Variants in SNX4 observed in about 807,000 individuals in gnomAD.
SNX4 encodes sorting nexin 4.
A neutral mutation model predicts 70.8 loss-of-function variants in SNX4; 49 were observed. The ratio of observed to expected loss-of-function variants is 0.69; its 90% CI spans 0.55 to 0.88. The LOEUF (loss-of-function observed/expected upper bound fraction) is 0.88, where lower values mean the gene tolerates loss of function less well. SNX4 is among the 40% of genes least tolerant of loss of function. The probability of loss-of-function intolerance (pLI) is 0.00; values close to 1 mark genes in which losing one functional copy is unlikely to be tolerated. For missense variants in SNX4, 528 were observed against 544.8 expected, an observed-to-expected ratio of 0.97 and a Z score of 0.31; for synonymous variants, 206 against 183.8, an observed-to-expected ratio of 1.12 and a Z score of -0.98.
intron 8 of SNX4, among the ~76,000 whole-genome samples, chr3:125,470,207 C>T (rs185578151): frequency 2.0e-5 from 3 of 152,108 alleles, no homozygotes; most frequent in Non-Finnish European, 4.4e-5. Flanking sequence ...GTCTTATTTG[C>T]GTAATTTAAA....
rs1934831895 is a variant in SNX4, at chr3:125,497,850, TAGA to T, written c.530_532del (p.Phe177del). 1.2e-6 allele frequency: 2 copies of T among 1,605,474 alleles called. No individual in the cohort carries two copies. The highest frequency in any genetic ancestry group is 1.1e-5 in the South Asian group (1 of 88,850). ...GAAAAATACCTGTGTTAAAAACAGA[TAGA>T]AGATTTTGTCTCTACAAAGGATGGG... On this transcript the variant is annotated inframe_deletion, in exon 4 of 14. Transcript: ENST00000251775.
chr3:125,467,458 A>G (rs1381992205), intron 9 of SNX4, among the ~76,000 whole-genome samples: 6 of 152,190 alleles, frequency 3.9e-5, no homozygotes, highest in Non-Finnish European at 8.8e-5. Flanking sequence ...ATACTTCTCA[A>G]CAGAAGACAT....
chr3:125,471,367 A>AAAAAAAAAAAAAAAAAAAAT, intron 8 of SNX4, among the ~76,000 whole-genome samples: 1 of 147,106 alleles, frequency 6.8e-6, no homozygotes, highest in Non-Finnish European at 1.5e-5. Context: ...AAAAAAAAAA[A>AAAAAAAAAAAAAAAAAAAAT]AAAAGCTTTT....
chr3:125,507,303 A>G (rs1316516983), intron 1 of SNX4, among the ~76,000 whole-genome samples: 1 of 152,098 alleles, frequency 6.6e-6, no homozygotes, highest in Non-Finnish European at 1.5e-5. Flanking sequence ...AGCAAGCACA[A>G]GAGAGAACTG....
At chr3:125,483,615 T>C (rs989633682) in intron 6 of SNX4, among the ~76,000 whole-genome samples, 1 of 152,202 alleles carries the variant, frequency 6.6e-6, no homozygotes, top group African/African-American at 2.4e-5. Flanking sequence ...ATTAACACAT[T>C]GGTACAATCT....
At chr3:125,472,465 T>C (rs1016097733) in intron 8 of SNX4, among the ~76,000 whole-genome samples, 1 of 151,478 alleles carries the variant, frequency 6.6e-6, no homozygotes, top group Non-Finnish European at 1.5e-5. Flanking sequence ...AGCCATATAA[T>C]AGACATGGCA....
At position 125,489,394 on chromosome 3, in the gene SNX4, A is replaced by G. The variant is rs560890746; in HGVS notation, c.653+14T>C. The G allele has an allele frequency of 2.5e-6, 4 of 1,606,398 alleles. No homozygotes were observed. In the East Asian group the frequency reaches 8.9e-5, roughly 36 times the overall value. The stretch of plus-strand genomic sequence containing the variant: ...CAAAACAACATTGTAACTGTTATTA[A>G]AACAAAACCTTACTTGTCTGGGTTT... On this transcript the variant is annotated intron_variant, in intron 6 of 13. Transcript: ENST00000251775.
At chr3:125,458,700 G>GCTA (rs1436816233) in intron 10 of SNX4, among the ~76,000 whole-genome samples, 1 of 151,214 alleles carries the variant, frequency 6.6e-6, no homozygotes, top group Non-Finnish European at 1.5e-5. Context: ...TGTACTCCCA[G>GCTA]CTACGCGGGA....
intron 2 of SNX4, among the ~76,000 whole-genome samples, chr3:125,499,713 C>G (rs1048635163): frequency 1.3e-5 from 2 of 150,830 alleles, no homozygotes; most frequent in African/African-American, 4.9e-5. Context: ...ATAAATAAAG[C>G]CTATAAGCAG....
intron 13 of SNX4, among the ~76,000 whole-genome samples, 186 bp from the exon 14 acceptor site, chr3:125,448,012 C>A (rs970709627): frequency 2.0e-5 from 3 of 152,150 alleles, no homozygotes; most frequent in African/African-American, 7.2e-5. Flanking sequence ...GAAACAGAAT[C>A]TCTAATACGA....
At chr3:125,462,809 G>A (rs1445776622) in intron 9 of SNX4, among the ~76,000 whole-genome samples, 2 of 152,118 alleles carry the variant, frequency 1.3e-5, no homozygotes, top group Non-Finnish European at 2.9e-5. Flanking sequence ...CAAAATTGGA[G>A]GTTAGCCCAG....
At position 125,446,753 on chromosome 3, in the gene SNX4, G is replaced by C. The variant is rs1933432255; in HGVS notation, c.*1026C>G. On this transcript the variant is annotated 3_prime_UTR_variant, in exon 14 of 14. Coordinates refer to ENST00000251775, the MANE Select transcript of SNX4 (RefSeq NM_003794.4). ...AAAGTCAAATGCTAAACAGGACTAG[G>C]GATTTTTTTTTACATCATTAGAAAT... is the stretch of plus-strand genomic sequence containing the variant. 6.6e-6 allele frequency: 1 copy of C among 152,214 alleles called. No homozygotes were observed. The highest frequency in any genetic ancestry group is 6.6e-5 in the Admixed American group (1 of 15,228). 9.4% of individuals were successfully genotyped at this position (152,214 alleles called of 1,614,324 possible). A position where few individuals can be genotyped will look rare whatever the true frequency, so the allele number is the denominator to read the frequency against.
rs759787193 is a variant in SNX4, at chr3:125,495,250, T to TTATATATATATA, written c.597+2079_597+2090dup. Among the ~76,000 whole-genome samples, 242 of 38,098 alleles carry TTATATATATATA rather than the reference T, an allele frequency of 6.4e-3. 24 individuals are homozygous for TTATATATATATA. Among genetic ancestry groups the TTATATATATATA allele is most frequent in the East Asian group, 0.016 (13 of 800 alleles). 25.0% of individuals were successfully genotyped at this position (38,098 alleles called of 152,430 possible). A position where few individuals can be genotyped will look rare whatever the true frequency, so the allele number is the denominator to read the frequency against. ...GAAATGTGATACACTCATTCTCTCT[T>TTATATATATATA]TATATATATATATATATATATATAT... is the stretch of plus-strand genomic sequence containing the variant. On this transcript the variant is annotated intron_variant, in intron 5 of 13. Coordinates refer to ENST00000251775, the MANE Select transcript of SNX4 (RefSeq NM_003794.4).
chr3:125,451,015 C>A (rs1933557626), intron 13 of SNX4, among the ~76,000 whole-genome samples: 1 of 152,106 alleles, frequency 6.6e-6, no homozygotes, highest in Non-Finnish European at 1.5e-5. Context: ...CCTGTAATTG[C>A]AGCACTTTGG....
At chr3:125,510,150 T>C (rs1029746761) in intron 1 of SNX4, among the ~76,000 whole-genome samples, 13 of 152,304 alleles carry the variant, frequency 8.5e-5, no homozygotes, top group African/African-American at 2.2e-4. Flanking sequence ...AAAGAGATAT[T>C]TGCATATCCA....
chr3:125,497,348 T>C lies in SNX4; in HGVS notation c.590A>G (p.Gln197Arg). ...TCATATAAATATTCTTACCTTCAGCTGAAACCCAGTTTCATTCACAGTCTC... is the reference window on the plus strand; with the variant it reads ...TCATATAAATATTCTTACCTTCAGCCGAAACCCAGTTTCATTCACAGTCTC... Reference protein sequence around the residue: ...WKETVNETGFQLKADSRLKAL... With the variant: ...WKETVNETGFRLKADSRLKAL... Residue 197 changes from glutamine (Q) to arginine (R), a missense_variant, in exon 5 of 14, where the codon CAG (glutamine) becomes CGG (arginine). Physicochemically the swap from Gln to Arg is conservative, Grantham distance 43 (BLOSUM62 1). Transcript: ENST00000251775. 1 of 1,607,804 alleles carries C rather than the reference T, an allele frequency of 6.2e-7. No individual in the cohort carries two copies. Among genetic ancestry groups the C allele is most frequent in the Non-Finnish European group, 8.5e-7 (1 of 1,175,078 alleles).
chr3:125,485,008 A>G (rs957178447), intron 6 of SNX4, among the ~76,000 whole-genome samples: 3 of 152,026 alleles, frequency 2.0e-5, no homozygotes, highest in Admixed American at 6.6e-5. Context: ...CGGAGGTTGC[A>G]GTGAGCCAAG....
chr3:125,488,653 C>A (rs1157917732), intron 6 of SNX4, among the ~76,000 whole-genome samples: 1 of 152,046 alleles, frequency 6.6e-6, no homozygotes, highest in Non-Finnish European at 1.5e-5. Flanking sequence ...AATATGCAGA[C>A]CCCACCTTTG....
chr3:125,519,169 T>C (rs1935342834), intron 1 of SNX4, among the ~76,000 whole-genome samples: 1 of 152,134 alleles, frequency 6.6e-6, no homozygotes, highest in Admixed American at 6.6e-5. Flanking sequence ...AAGGAGACTT[T>C]GGGCAGGGTG....
Sources: gnomAD v4.1 joint callset for allele counts (sites outside exome capture counted in the v4.1 genomes callset) on GRCh38, gnomAD v4.1.1 for gene constraint, MANE v1.5 for transcripts, NCBI Gene and HGNC (gene_info 2026-07-23, HGNC 2026-07-21) for gene names.